MAGI1: variants seen among roughly 807,000 people sequenced by gnomAD.
MAGI1 encodes the protein membrane associated guanylate kinase, WW and PDZ domain containing 1.
In MAGI1, 58 loss-of-function variants were observed where a neutral mutation model predicts 139.9. That is an observed-to-expected ratio of 0.41 (90% CI 0.34 to 0.52). The LOEUF (loss-of-function observed/expected upper bound fraction) is 0.52, where lower values mean the gene tolerates loss of function less well. MAGI1 is among the 20% of genes least tolerant of loss of function. The pLI is 0.12. For missense variants in MAGI1, 1,874 were observed against 1,901.6 expected (o/e 0.99, Z 0.27); for synonymous variants, 812 against 737.9 (o/e 1.10, Z -1.63).
chr3:65,812,942 C>G (rs2041370348), intron 1 of MAGI1, among the ~76,000 whole-genome samples: 1 of 151,154 alleles, frequency 6.6e-6, no homozygotes, highest in Admixed American at 6.6e-5. Context: ...AACTCCTGAC[C>G]TCAGGTGATC....
chr3:66,035,450 T>A (rs1305536056), intron 1 of MAGI1, among the ~76,000 whole-genome samples: 1 of 152,160 alleles, frequency 6.6e-6, no homozygotes, highest in Non-Finnish European at 1.5e-5. Context: ...GAAGACACAT[T>A]AAGAGCAATT....
At position 65,364,686 on chromosome 3, in the gene MAGI1, G is replaced by C; in HGVS notation, c.3330C>G (p.Phe1110Leu). The C allele has an allele frequency of 6.2e-7, 1 of 1,614,074 alleles. No homozygotes were observed. Among genetic ancestry groups the C allele is most frequent in the Non-Finnish European group, 8.5e-7 (1 of 1,179,978 alleles). ...TCACCTGTGTTGCTTGGGGTGCTTT[G>C]AACTCAAATTGAGATTCCTGCTTTG... ...TKPKQESQFEFKAPQATQEQD... is the reference protein window; with the variant it reads ...TKPKQESQFELKAPQATQEQD... The change falls in exon 20 of 23, where the codon TTC becomes TTG. Residue 1110 changes from phenylalanine (F) to leucine (L), a missense_variant. Coordinates refer to ENST00000402939, the MANE Select transcript of MAGI1 (RefSeq NM_001033057.2).
intron 2 of MAGI1, among the ~76,000 whole-genome samples, chr3:65,501,453 C>CAAAAAAAAAAAAA (rs35967662): frequency 2.5e-5 from 2 of 80,646 alleles, no homozygotes; most frequent in African/African-American, 5.3e-5. Flanking sequence ...GACTCTGTCT[C>CAAAAAAAAAAAAA]AAAAAAAAAA....
intron 1 of MAGI1, among the ~76,000 whole-genome samples, chr3:66,021,822 C>A (rs529831871): frequency 6.6e-6 from 1 of 152,122 alleles, no homozygotes; most frequent in Non-Finnish European, 1.5e-5. Context: ...ACTAATAAAG[C>A]CACGCCCCGG....
intron 1 of MAGI1, among the ~76,000 whole-genome samples, chr3:65,994,961 T>C (rs947797283): frequency 6.6e-6 from 1 of 152,184 alleles, no homozygotes; most frequent in African/African-American, 2.4e-5. Context: ...GGAAATTAAC[T>C]CATTGTTTCC....
At chr3:65,795,336 T>G (rs890816298) in intron 1 of MAGI1, among the ~76,000 whole-genome samples, 1 of 152,154 alleles carries the variant, frequency 6.6e-6, no homozygotes, top group Non-Finnish European at 1.5e-5. Context: ...ATCCATACCA[T>G]GTAACACTAC....
At chr3:65,495,697 T>C (rs1576017070) in intron 2 of MAGI1, among the ~76,000 whole-genome samples, 9 of 152,000 alleles carry the variant, frequency 5.9e-5, no homozygotes, top group Admixed American at 5.9e-4. Flanking sequence ...CAGAGCAACA[T>C]AGGTTAAAGG....
intron 1 of MAGI1, among the ~76,000 whole-genome samples, chr3:65,840,150 T>A (rs1244009449): frequency 3.0e-5 from 1 of 33,770 alleles, no homozygotes; most frequent in East Asian, 0.042. Context: ...GTTCTAAGAT[T>A]TTTTTTTTTT....
intron 1 of MAGI1, among the ~76,000 whole-genome samples, chr3:65,734,580 A>G (rs1416771088): frequency 6.6e-6 from 1 of 151,150 alleles, no homozygotes; most frequent in Non-Finnish European, 1.5e-5. Context: ...GGAGAGAGAG[A>G]GAGAGAGGGA....
chr3:65,411,761 C>T (rs1419661160), intron 12 of MAGI1, among the ~76,000 whole-genome samples: 1 of 152,078 alleles, frequency 6.6e-6, no homozygotes, highest in East Asian at 1.9e-4. Context: ...AGGCTCAGGA[C>T]CAAGATAGAA....
intron 1 of MAGI1, among the ~76,000 whole-genome samples, chr3:65,689,702 C>A (rs2088404441): frequency 6.6e-6 from 1 of 152,186 alleles, no homozygotes; most frequent in Non-Finnish European, 1.5e-5. Context: ...AGTGAAATGT[C>A]AGGACCTGTT....
intron 1 of MAGI1, among the ~76,000 whole-genome samples, chr3:66,018,107 C>G (rs535961393): frequency 1.8e-5 from 1 of 56,198 alleles, no homozygotes. Context: ...AGGAAGGACA[C>G]TTTGGTGGGG....
intron 1 of MAGI1, among the ~76,000 whole-genome samples, chr3:65,856,762 G>C (rs553110857): frequency 1.3e-5 from 2 of 152,132 alleles, no homozygotes; most frequent in African/African-American, 4.8e-5. Context: ...GGAGCTGATG[G>C]TCTTAACCCT....
chr3:65,979,001 C>A (rs2065409291), intron 1 of MAGI1, among the ~76,000 whole-genome samples: 1 of 151,704 alleles, frequency 6.6e-6, no homozygotes, highest in Non-Finnish European at 1.5e-5. Context: ...ATTCACTGAG[C>A]CCAACTATCC....
Position 65,488,909 on chromosome 3 carries a change from G to A in MAGI1, c.550+4603C>T, listed in dbSNP as rs139479210. ...GCTGGTCGCGAGCTCCTGAGCTCAA[G>A]CAATCCTCCCACCTCAGCCTCCCAA... On this transcript the variant is annotated intron_variant, in intron 3 of 22. Coordinates refer to ENST00000402939, the MANE Select transcript of MAGI1 (RefSeq NM_001033057.2). 5.0e-3 allele frequency among the ~76,000 whole-genome samples: 765 copies of A among 151,564 alleles called. 11 individuals carry two copies. The highest frequency in any genetic ancestry group is 0.018 in the African/African-American group (729 of 41,258).
At chr3:65,738,341 TA>T (rs765926310) in intron 1 of MAGI1, among the ~76,000 whole-genome samples, 2 of 152,210 alleles carry the variant, frequency 1.3e-5, no homozygotes, top group African/African-American at 2.4e-5. Context: ...CAAGCCAATT[TA>T]AAAAAAAAAT....
intron 1 of MAGI1, among the ~76,000 whole-genome samples, chr3:66,037,730 G>A (rs1042099559): frequency 1.3e-5 from 2 of 152,162 alleles, no homozygotes; most frequent in African/African-American, 4.8e-5. Context: ...TGCACTTAGT[G>A]GCGGAGATAA....
intron 1 of MAGI1, among the ~76,000 whole-genome samples, chr3:65,750,858 G>T (rs1281197858): frequency 1.3e-5 from 2 of 152,170 alleles, no homozygotes; most frequent in Non-Finnish European, 1.5e-5. Context: ...ACGAAACATA[G>T]TACTACTTGA....
intron 1 of MAGI1, among the ~76,000 whole-genome samples, chr3:65,848,460 G>A (rs1456128601): frequency 2.0e-5 from 3 of 152,036 alleles, no homozygotes; most frequent in African/African-American, 7.3e-5. Flanking sequence ...TTGCAATAAT[G>A]GGACACTTCC....
Sources: gnomAD v4.1 joint callset for allele counts (sites outside exome capture counted in the v4.1 genomes callset) on GRCh38, gnomAD v4.1.1 for gene constraint, MANE v1.5 for transcripts, NCBI Gene and HGNC (gene_info 2026-07-23, HGNC 2026-07-21) for gene names.